FRY: variants seen among roughly 807,000 people sequenced by gnomAD.
The protein encoded by FRY is FRY microtubule binding protein, also known as protein furry homolog.
Under a neutral mutation model 348.4 loss-of-function variants are expected in FRY, and 128 were observed. The ratio of observed to expected loss-of-function variants is 0.37; its 90% CI spans 0.32 to 0.43. The LOEUF is 0.43. FRY is among the 20% of genes least tolerant of loss of function. FRY has a pLI of 1.00. For synonymous variants in FRY, 1,370 were observed against 1,374.7 expected, an observed-to-expected ratio of 1.00 and a Z score of 0.08; for missense variants, 2,736 against 3,695.2, an observed-to-expected ratio of 0.74 and a Z score of 6.73.
intron 46 of FRY, among the ~76,000 whole-genome samples, chr13:32,243,788 C>T (rs962123139): frequency 6.6e-6 from 1 of 151,962 alleles, no homozygotes; most frequent in Non-Finnish European, 1.5e-5. Flanking sequence ...TTTTATTTCC[C>T]CTCCTAAGGA....
intron 11 of FRY, among the ~76,000 whole-genome samples, chr13:32,138,946 C>T (rs987867143): frequency 1.3e-5 from 2 of 152,040 alleles, no homozygotes; most frequent in Non-Finnish European, 2.9e-5. Context: ...ACATACCCCA[C>T]GAATCACGAA....
chr13:32,266,649 T>G (rs1286866095), intron 54 of FRY, among the ~76,000 whole-genome samples: 1 of 152,112 alleles, frequency 6.6e-6, no homozygotes, highest in Non-Finnish European at 1.5e-5. Context: ...ATCCCAGAAA[T>G]TCTAGAGGTG....
chr13:32,072,151 C>T (rs1165651785), intron 1 of FRY, among the ~76,000 whole-genome samples: 3 of 152,068 alleles, frequency 2.0e-5, no homozygotes, highest in Admixed American at 6.6e-5. Context: ...CTTGAAGGAA[C>T]ACAATGTGAG....
At chr13:32,170,866 T>C in intron 17 of FRY, 146 bp from the exon 18 acceptor site, 1 of 559,278 alleles carries the variant, frequency 1.8e-6, no homozygotes, top group Non-Finnish European at 3.2e-6. Flanking sequence ...GGTATTTATG[T>C]AAGTCATTTA....
At chr13:32,166,047 G>A (rs1435206495) in intron 17 of FRY, among the ~76,000 whole-genome samples, 5 of 152,180 alleles carry the variant, frequency 3.3e-5, no homozygotes, top group East Asian at 1.9e-4. Flanking sequence ...GCTTTCTGAC[G>A]TGAGCAGTGA....
chr13:32,292,566 G>A (rs1000345279), intron 59 of FRY, among the ~76,000 whole-genome samples: 6 of 151,812 alleles, frequency 4.0e-5, no homozygotes, highest in African/African-American at 1.5e-4. Flanking sequence ...GGCCAAGGTG[G>A]GCAGATCACA....
chr13:32,264,794 C>T (rs563965062), intron 53 of FRY, among the ~76,000 whole-genome samples: 1 of 152,300 alleles, frequency 6.6e-6, no homozygotes, highest in South Asian at 2.1e-4. Flanking sequence ...AAGGGTAAAG[C>T]ATACATGCAA....
intron 1 of FRY, among the ~76,000 whole-genome samples, chr13:32,041,243 T>C (rs1337308482): frequency 1.3e-5 from 2 of 151,508 alleles, no homozygotes; most frequent in Non-Finnish European, 2.9e-5. Context: ...GACTTAGCTA[T>C]AGTATCACTT....
intron 34 of FRY, 46 bp from the exon 35 acceptor site, chr13:32,212,246 A>C (rs1884728775): frequency 9.2e-7 from 1 of 1,087,884 alleles, no homozygotes; most frequent in African/African-American, 1.6e-5. Flanking sequence ...TTGACCCCTC[A>C]GCTTGCATCT....
chr13:32,082,109 A>G (rs1233528503), intron 2 of FRY, among the ~76,000 whole-genome samples: 1 of 152,136 alleles, frequency 6.6e-6, no homozygotes, highest in Non-Finnish European at 1.5e-5. Context: ...TATTTTTAAA[A>G]GACTAACTCG....
At chr13:32,208,291 A>G (rs1884475337) in intron 31 of FRY, among the ~76,000 whole-genome samples, 2 of 152,268 alleles carry the variant, frequency 1.3e-5, no homozygotes, top group South Asian at 2.1e-4. Context: ...GTCAGTGGAA[A>G]GGTAATCATT....
chr13:32,089,310 G>T (rs530305777), intron 2 of FRY, among the ~76,000 whole-genome samples: 3 of 152,160 alleles, frequency 2.0e-5, no homozygotes, highest in East Asian at 3.9e-4. Flanking sequence ...TATTCTATTT[G>T]ATAATATTTC....
At chr13:32,170,327 A>G (rs1003391515) in intron 17 of FRY, among the ~76,000 whole-genome samples, 1 of 152,208 alleles carries the variant, frequency 6.6e-6, no homozygotes, top group African/African-American at 2.4e-5. Context: ...GCATTCTGAA[A>G]CAGAAAAAGG....
At chr13:32,172,128 GTAGATGTGGATA>G (rs1238338458) in intron 18 of FRY, among the ~76,000 whole-genome samples, 6 of 151,882 alleles carry the variant, frequency 4.0e-5, no homozygotes, top group Non-Finnish European at 8.8e-5. Flanking sequence ...GGATGTGGAT[GTAGATGTGGATA>G]TAGATGTGGA....
chr13:32,283,007 G>T (rs148116580), intron 58 of FRY, among the ~76,000 whole-genome samples: 1 of 152,044 alleles, frequency 6.6e-6, no homozygotes, highest in African/African-American at 2.4e-5. Flanking sequence ...CGGGCACAGT[G>T]GTGGGTGCCT....
chr13:32,060,461 A>G (rs1873876938), intron 1 of FRY, among the ~76,000 whole-genome samples: 1 of 152,204 alleles, frequency 6.6e-6, no homozygotes, highest in South Asian at 2.1e-4. Flanking sequence ...CATTTTCCTT[A>G]AGGGTGTATG....
chr13:32,262,399 C>G lies in FRY; in HGVS notation c.7703C>G (p.Ser2568Cys). ...GACTCGACCCCTGCAGAACCTCATT[C>G]CTTTAACACCAGAATGTCCAGCTTT... ...ACDSTPAEPH[S>C]FNTRMSSFDA... The change falls in exon 53 of 61, where the codon TCC becomes TGC. Residue 2568 changes from serine (S) to cysteine (C), a missense_variant. Transcript: ENST00000542859. 6.2e-7 allele frequency: 1 copy of G among 1,613,262 alleles called. No homozygotes were observed. The highest frequency in any genetic ancestry group is 1.1e-5 in the South Asian group (1 of 91,062).
At chr13:32,180,271 G>A (rs1010746748) in intron 23 of FRY, among the ~76,000 whole-genome samples, 2 of 149,786 alleles carry the variant, frequency 1.3e-5, no homozygotes, top group African/African-American at 4.9e-5. Flanking sequence ...GTCTCGCTCT[G>A]TCACGCAGGC....
At chr13:32,222,704 A>C (rs9595155) in intron 36 of FRY, among the ~76,000 whole-genome samples, 191 of 152,326 alleles carry the variant, frequency 1.3e-3, no homozygotes, top group African/African-American at 4.4e-3. Flanking sequence ...TGTGGATGAC[A>C]AGTTACTGAA....
Sources: allele counts gnomAD v4.1 joint callset (sites outside exome capture counted in the v4.1 genomes callset), GRCh38; gene constraint gnomAD v4.1.1; transcripts MANE v1.5; gene names NCBI Gene and HGNC (gene_info 2026-07-23, HGNC 2026-07-21).